Variants in USP35 observed in about 807,000 individuals in gnomAD.
USP35 encodes ubiquitin specific peptidase 35.
Under a neutral mutation model 83.8 loss-of-function variants are expected in USP35, and 69 were observed. The observed-to-expected ratio is 0.82, with a 90% confidence interval of 0.68 to 1.01. The LOEUF (loss-of-function observed/expected upper bound fraction) is 1.01, where lower values mean the gene tolerates loss of function less well. Among genes scored for constraint, USP35 ranks in the 50% least tolerant of loss-of-function variants. The probability of loss-of-function intolerance (pLI) is 0.00; values close to 1 mark genes in which losing one functional copy is unlikely to be tolerated. For missense variants in USP35, 1,503 were observed against 1,362.5 expected (o/e 1.10, Z -1.62); for synonymous variants, 714 against 589.5 (o/e 1.21, Z -3.06).
chr11:78,220,993 G>A, the USP35 span, among the ~76,000 whole-genome samples: 1 of 152,166 alleles, frequency 6.6e-6, no homozygotes, highest in Admixed American at 6.5e-5. Flanking sequence ...GCTCCTCCAA[G>A]ATCTGAAGAG....
Position 78,213,692 on chromosome 11 carries a change from T to A in USP35, c.2936T>A (p.Leu979His). The stretch of plus-strand genomic sequence containing the variant: ...AGCAGGGCGGCCTACATCTCTGCAC[T>A]CCCCACATCTCCGCACTGGGGGAGG... ...ARSRAAYISA[L>H]PTSPHWGRGF... The change falls in exon 11 of 11, where the codon CTC becomes CAC. Residue 979 changes from leucine (L) to histidine (H), a missense_variant. By Grantham distance (99) the Leu-to-His change is moderately conservative. Transcript: ENST00000529308. 6.6e-7 allele frequency: 1 copy of A among 1,522,730 alleles called. No homozygotes were observed. The highest frequency in any genetic ancestry group is 8.7e-7 in the Non-Finnish European group (1 of 1,144,556). 94.3% of individuals were successfully genotyped at this position (1,522,730 alleles called of 1,614,324 possible).
chr11:78,197,868 G>A lies in USP35; in HGVS notation c.674-68G>A. On this transcript the variant is annotated intron_variant, in intron 2 of 10. Coordinates refer to ENST00000529308, the MANE Select transcript of USP35 (RefSeq NM_020798.4). ...CAGCCCGGTTCGTTGGCTCCTGCAG[G>A]GCATGGTGTGCTGGGGGAAGGGAGG... The A allele has an allele frequency of 2.6e-6, 4 of 1,567,962 alleles. No individual in the cohort carries two copies. The East Asian group carries it at 6.8e-5, about 27-fold the overall frequency.
chr11:78,216,041 G>A (rs1199918092), downstream of USP35: 1 of 152,644 alleles, frequency 6.6e-6, no homozygotes, highest in Non-Finnish European at 1.5e-5. Context: ...CTGGGGATAG[G>A]TACTGCCCAC....
chr11:78,221,694 C>T, the USP35 span: 18 of 1,612,492 alleles, frequency 1.1e-5, no homozygotes, highest in Non-Finnish European at 1.5e-5. Context: ...ACATAGTTCT[C>T]TTCGCTGTCT....
At chr11:78,216,468 T>C (rs1338542525), downstream of USP35, 5 of 152,158 alleles carry the variant, frequency 3.3e-5, no homozygotes, top group African/African-American at 7.2e-5. Flanking sequence ...TAGATACGGC[T>C]GGTAGTTTGG....
chr11:78,213,845 T>G lies in USP35; in HGVS notation c.*32T>G, dbSNP rs1011810444. On this transcript the variant is annotated 3_prime_UTR_variant, in exon 11 of 11. Coordinates refer to ENST00000529308, the MANE Select transcript of USP35 (RefSeq NM_020798.4). ...CCTGCTGCCAACCTGACCCCTTCCC[T>G]CCAGGAGCCAGGTAGGGCCTGAGGG... The G allele has an allele frequency of 1.3e-6, 2 of 1,532,266 alleles. No homozygotes were observed. The highest frequency in any genetic ancestry group is 5.2e-5 in the East Asian group (2 of 38,488). 94.9% of individuals were successfully genotyped at this position (1,532,266 alleles called of 1,614,324 possible).
rs551955445 is a variant in USP35, at chr11:78,212,098, A to C, written c.2889+1354A>C. 2.0e-5 allele frequency among the ~76,000 whole-genome samples: 3 copies of C among 152,304 alleles called. No homozygotes were observed. In the South Asian group the frequency reaches 6.2e-4, roughly 32 times the overall value. ...GGTTTTACATTTAAGTCTTTAATCC[A>C]TCGAGTGAATTTTTTGTATAAGGTA... is the stretch of plus-strand genomic sequence containing the variant. On this transcript the variant is annotated intron_variant, in intron 10 of 10. Transcript: ENST00000529308.
At chr11:78,210,834 GTCT>G in intron 10 of USP35, 90 bp downstream of exon 10, 1 of 1,349,556 alleles carries the variant, frequency 7.4e-7, no homozygotes, top group South Asian at 1.5e-5. Context: ...TCCCCTCTAA[GTCT>G]TTTTTGTAAA....
the USP35 span, chr11:78,226,901 G>T: frequency 4.3e-6 from 7 of 1,613,998 alleles, no homozygotes; most frequent in Non-Finnish European, 5.9e-6. Context: ...ATTCTGTATT[G>T]TGCCGGCTCG....
At chr11:78,230,824 T>C in the USP35 span, among the ~76,000 whole-genome samples, 5 of 152,352 alleles carry the variant, frequency 3.3e-5, no homozygotes, top group African/African-American at 1.2e-4. Context: ...TGTGGTCCCT[T>C]TGGGCAATAA....
chr11:78,210,806 T>C (rs1410486594), intron 10 of USP35, 62 bp downstream of exon 10: 2 of 1,465,462 alleles, frequency 1.4e-6, no homozygotes, highest in Admixed American at 4.7e-5. Context: ...GTCCCACTAC[T>C]GGCTTAGATA....
intron 9 of USP35, among the ~76,000 whole-genome samples, chr11:78,209,201 A>G (rs1863637760): frequency 6.6e-6 from 1 of 152,182 alleles, no homozygotes; most frequent in Non-Finnish European, 1.5e-5. Context: ...CGGGCCGTGC[A>G]TCTTTGTCAC....
intron 8 of USP35, among the ~76,000 whole-genome samples, chr11:78,208,202 C>A (rs1863595619): frequency 6.6e-6 from 1 of 152,178 alleles, no homozygotes; most frequent in African/African-American, 2.4e-5. Flanking sequence ...AGGACCTCAT[C>A]CTCTCTTGAA....
the USP35 span, chr11:78,231,902 A>C: frequency 6.6e-6 from 1 of 152,226 alleles, no homozygotes; most frequent in Admixed American, 6.5e-5. Context: ...TGTAACTGTC[A>C]CTGGCCATGT....
chr11:78,199,735 C>G lies in USP35; in HGVS notation c.936+11C>G. Reference sequence around the variant, plus strand: ...ACCAAAATTGAGAAGGTTGGTGCCCCTGTCCTAGCCCAGAGTTACAGCCTT... The same window carrying G: ...ACCAAAATTGAGAAGGTTGGTGCCCGTGTCCTAGCCCAGAGTTACAGCCTT... On this transcript the variant is annotated intron_variant, in intron 4 of 10. Transcript: ENST00000529308. The G allele has an allele frequency of 6.2e-7, 1 of 1,614,162 alleles. No homozygotes were observed. Among genetic ancestry groups the G allele is most frequent in the Non-Finnish European group, 8.5e-7 (1 of 1,180,006 alleles).
rs564235422 is a variant in USP35 at position 78,213,526 on chromosome 11, T to G, written c.2890-120T>G. ...TATCCTGCCACTGAGCTGCAATGTC[T>G]CTGTGTGTCCAGGCCCTGGGGACCT... is the stretch of plus-strand genomic sequence containing the variant. On this transcript the variant is annotated intron_variant, in intron 10 of 10. Coordinates refer to ENST00000529308, the MANE Select transcript of USP35 (RefSeq NM_020798.4). The G allele has an allele frequency of 4.2e-6, 5 of 1,195,058 alleles. 1 individual carries two copies. In the South Asian group the frequency reaches 1.2e-4, roughly 29 times the overall value. The allele number at this position is 1,195,058 out of a possible 1,614,324, so 74.0% of individuals were successfully genotyped here. A position where few individuals can be genotyped will look rare whatever the true frequency, so the allele number is the denominator to read the frequency against.
chr11:78,231,667 T>C, the USP35 span: 16 of 152,310 alleles, frequency 1.1e-4, no homozygotes, highest in African/African-American at 3.8e-4. Context: ...CTTTTAAAAA[T>C]GGTTTTCTAG....
chr11:78,203,892 CTTT>C (rs1452214469), intron 6 of USP35, among the ~76,000 whole-genome samples: 1 of 114,348 alleles, frequency 8.7e-6, no homozygotes, highest in African/African-American at 3.1e-5. Flanking sequence ...TTTTTCTTTT[CTTT>C]TTTTTTTTTT....
the USP35 span, chr11:78,226,565 A>T: frequency 7.1e-7 from 1 of 1,410,068 alleles, no homozygotes; most frequent in Non-Finnish European, 9.4e-7. Flanking sequence ...GTCTCTGCTG[A>T]GGACTGCCCC....
Sources: allele counts gnomAD v4.1 joint callset (sites outside exome capture counted in the v4.1 genomes callset), GRCh38; gene constraint gnomAD v4.1.1; transcripts MANE v1.5; gene names NCBI Gene and HGNC (gene_info 2026-07-23, HGNC 2026-07-21).